NBEA: variants seen among roughly 807,000 people sequenced by gnomAD.
NBEA encodes the protein lysosomal-trafficking regulator 2.
A neutral mutation model predicts 343.4 loss-of-function variants in NBEA; 44 were observed. That is an observed-to-expected ratio of 0.13 (90% CI 0.10 to 0.16). NBEA has a LOEUF of 0.16. Among genes scored for constraint, NBEA ranks in the 10% least tolerant of loss-of-function variants. The pLI is 1.00. For synonymous variants in NBEA, 1,175 were observed against 1,238.7 expected (o/e 0.95, Z 1.08); for missense variants, 2,555 against 3,631.3 (o/e 0.70, Z 7.62).
chr13:34,968,390 C>A (rs2059896420), intron 1 of NBEA, among the ~76,000 whole-genome samples: 1 of 152,050 alleles, frequency 6.6e-6, no homozygotes, highest in Non-Finnish European at 1.5e-5. Flanking sequence ...TATCTAAGGG[C>A]CCCAACATGA....
intron 38 of NBEA, among the ~76,000 whole-genome samples, chr13:35,371,586 C>A (rs989167450): frequency 6.6e-6 from 1 of 152,000 alleles, no homozygotes; most frequent in South Asian, 2.1e-4. Context: ...ATTTTGAATT[C>A]TTTCTCTAGG....
At chr13:35,005,702 G>A (rs1025730811) in intron 1 of NBEA, among the ~76,000 whole-genome samples, 3 of 152,082 alleles carry the variant, frequency 2.0e-5, no homozygotes, top group African/African-American at 7.2e-5. Context: ...CACCTAGCTG[G>A]AGCACTTAAT....
In NBEA at chr13:35,664,043, C is replaced by T. The variant is rs117377112; in HGVS notation, c.8363-1042C>T. ...GCCGACCAGAGTGGAAGATGTGGGT[C>T]GTCTTACTGGGTAAGGCCTTGTGAT... On this transcript the variant is annotated intron_variant, in intron 55 of 58. Coordinates refer to ENST00000379939, the MANE Select transcript of NBEA (RefSeq NM_001385012.1). 3.2e-3 allele frequency among the ~76,000 whole-genome samples: 480 copies of T among 152,230 alleles called. 1 individual carries two copies. The highest frequency in any genetic ancestry group is 6.0e-3 in the Non-Finnish European group (407 of 68,004).
chr13:35,312,581 G>A (rs1000031647), intron 36 of NBEA, among the ~76,000 whole-genome samples: 6 of 152,198 alleles, frequency 3.9e-5, no homozygotes, highest in African/African-American at 1.4e-4. Flanking sequence ...GGCCTGCAAT[G>A]TGGAGGGTTT....
At chr13:35,258,663 A>G (rs1185242972) in intron 34 of NBEA, among the ~76,000 whole-genome samples, 1 of 152,164 alleles carries the variant, frequency 6.6e-6, no homozygotes, top group African/African-American at 2.4e-5. Flanking sequence ...ACTGTTGATA[A>G]TGTTGGTGTT....
chr13:35,352,430 A>C (rs1219480244), intron 38 of NBEA, 107 bp downstream of exon 38: 11 of 611,470 alleles, frequency 1.8e-5, no homozygotes, highest in Non-Finnish European at 2.6e-5. Context: ...ATATAATTTA[A>C]AATATAAAAA....
intron 49 of NBEA, among the ~76,000 whole-genome samples, chr13:35,636,504 C>CAAAT (rs1356019014): frequency 2.0e-5 from 3 of 152,134 alleles, no homozygotes; most frequent in African/African-American, 7.2e-5. Context: ...ACATACCAAA[C>CAAAT]AAATCTATTT....
At chr13:35,112,556 A>G (rs1267611237) in intron 13 of NBEA, among the ~76,000 whole-genome samples, 2 of 152,172 alleles carry the variant, frequency 1.3e-5, no homozygotes, top group African/African-American at 2.4e-5. Context: ...ATGCTACACT[A>G]TGATAGAGTT....
chr13:35,474,843 A>AT, intron 41 of NBEA: 1 of 568,606 alleles, frequency 1.8e-6, no homozygotes, highest in East Asian at 3.0e-5. Flanking sequence ...AAGTCTTCTA[A>AT]TACTAGTGGC....
rs780703650 is a variant in NBEA at position 35,593,442 on chromosome 13, G to A, written c.7291G>A (p.Val2431Ile). 3 of 1,602,744 alleles carry A rather than the reference G, an allele frequency of 1.9e-6. No homozygotes were observed. Among genetic ancestry groups the A allele is most frequent in the Admixed American group, 1.7e-5 (1 of 57,820 alleles). Reference protein sequence around the residue: ...WRTSQRDTSDVKELIPEFYYL... With the variant: ...WRTSQRDTSDIKELIPEFYYL... ...AACTAGTCAGAGAGATACTTCTGAT[G>A]TAAAGGTAGGCTCTTTTATTTGTTG... Residue 2431 changes from valine (V) to isoleucine (I), a missense_variant, in exon 47 of 59, where the codon GTA (valine) becomes ATA (isoleucine). This residue lies in a region of NBEA where 156 missense variants were observed against 185.8 expected (regional missense o/e 0.84). Coordinates refer to ENST00000379939, the MANE Select transcript of NBEA (RefSeq NM_001385012.1).
intron 34 of NBEA, among the ~76,000 whole-genome samples, chr13:35,242,478 C>G (rs2030473961): frequency 6.6e-6 from 1 of 151,770 alleles, no homozygotes; most frequent in African/African-American, 2.4e-5. Context: ...GAGAAAAGGG[C>G]AGAGAGCGTA....
At chr13:35,462,151 T>C (rs1261218910) in intron 40 of NBEA, among the ~76,000 whole-genome samples, 1 of 152,146 alleles carries the variant, frequency 6.6e-6, no homozygotes, top group Non-Finnish European at 1.5e-5. Context: ...AAAACAAATA[T>C]AAGTATCGGA....
At chr13:35,210,365 C>T (rs1466480354) in intron 32 of NBEA, among the ~76,000 whole-genome samples, 2 of 151,898 alleles carry the variant, frequency 1.3e-5, no homozygotes, top group Non-Finnish European at 2.9e-5. Context: ...AATATTGGCA[C>T]ATAGGTGCTA....
intron 41 of NBEA, among the ~76,000 whole-genome samples, chr13:35,543,730 A>G (rs920853189): frequency 6.6e-6 from 1 of 152,160 alleles, no homozygotes; most frequent in African/African-American, 2.4e-5. Flanking sequence ...GAGATGGGAA[A>G]GAGAACCTGT....
chr13:35,389,265 A>T (rs1405764751), intron 38 of NBEA, among the ~76,000 whole-genome samples: 2 of 152,174 alleles, frequency 1.3e-5, no homozygotes, highest in African/African-American at 4.8e-5. Flanking sequence ...AAGTAAATTC[A>T]GTCCCAGCTT....
intron 1 of NBEA, among the ~76,000 whole-genome samples, chr13:34,954,672 C>T (rs918276447): frequency 2.0e-5 from 3 of 152,070 alleles, no homozygotes; most frequent in Non-Finnish European, 2.9e-5. Flanking sequence ...ATGCTCAAGT[C>T]GTTTGTATAA....
intron 31 of NBEA, among the ~76,000 whole-genome samples, chr13:35,197,063 C>A (rs982091837): frequency 2.6e-5 from 4 of 152,000 alleles, no homozygotes; most frequent in African/African-American, 9.7e-5. Context: ...AACCTAATAC[C>A]CTAGTCATCT....
At chr13:35,020,577 G>A (rs753864684) in intron 1 of NBEA, among the ~76,000 whole-genome samples, 9 of 152,126 alleles carry the variant, frequency 5.9e-5, no homozygotes, top group Admixed American at 1.3e-4. Flanking sequence ...GGAGGGCGGT[G>A]GCACGATCTT....
intron 28 of NBEA, 28 bp from the exon 29 acceptor site, chr13:35,182,332 G>T (rs974336766): frequency 6.3e-7 from 1 of 1,584,036 alleles, no homozygotes; most frequent in Non-Finnish European, 8.6e-7. Flanking sequence ...AAGTTTGAGT[G>T]TTAAAACTGT....
Sources: gnomAD v4.1 joint callset for allele counts (sites outside exome capture counted in the v4.1 genomes callset) on GRCh38, gnomAD v4.1.1 for gene constraint, gnomAD v4.1.1 regional missense constraint, MANE v1.5 for transcripts, NCBI Gene and HGNC (gene_info 2026-07-23, HGNC 2026-07-21) for gene names.